CTNNA3: variants seen among roughly 807,000 people sequenced by gnomAD.
CTNNA3 encodes catenin alpha 3.
A neutral mutation model predicts 95.7 loss-of-function variants in CTNNA3; 76 were observed. The observed-to-expected ratio is 0.79, with a 90% CI of 0.66 to 0.96. CTNNA3 has a LOEUF of 0.96. Ranked by LOEUF, CTNNA3 falls within the 40% of genes least tolerant of loss-of-function variation. CTNNA3 has a pLI of 0.00. For synonymous variants in CTNNA3, 431 were observed against 374.4 expected (o/e 1.15, Z -1.74); for missense variants, 1,191 against 1,089.8 (o/e 1.09, Z -1.31).
chr10:66,397,854 C>T (rs537886371), intron 11 of CTNNA3, among the ~76,000 whole-genome samples: 30 of 151,808 alleles, frequency 2.0e-4, no homozygotes, highest in African/African-American at 7.0e-4. Context: ...ATATCTTGGT[C>T]TTTATGAAAA....
intron 13 of CTNNA3, among the ~76,000 whole-genome samples, chr10:66,129,154 C>T (rs1407950232): frequency 2.0e-5 from 3 of 152,166 alleles, no homozygotes; most frequent in Non-Finnish European, 2.9e-5. Flanking sequence ...ATCCCAGCTA[C>T]TCGGGAGGCT....
chr10:66,909,664 A>T (rs1460890996), intron 7 of CTNNA3, among the ~76,000 whole-genome samples: 1 of 152,236 alleles, frequency 6.6e-6, no homozygotes, highest in African/African-American at 2.4e-5. Flanking sequence ...TTAGTCAAAT[A>T]GAGACCAAAT....
At chr10:66,015,834 CAT>C (rs369546258) in intron 15 of CTNNA3, among the ~76,000 whole-genome samples, 1 of 152,152 alleles carries the variant, frequency 6.6e-6, no homozygotes, top group East Asian at 1.9e-4. Context: ...TGTATCTTTT[CAT>C]ATATATGTAC....
intron 15 of CTNNA3, among the ~76,000 whole-genome samples, chr10:66,023,210 T>A (rs1007789097): frequency 6.6e-6 from 1 of 152,164 alleles, no homozygotes; most frequent in African/African-American, 2.4e-5. Flanking sequence ...ACTAACCCAG[T>A]CAAAGAATTA....
intron 12 of CTNNA3, among the ~76,000 whole-genome samples, chr10:66,293,243 G>T (rs1362501868): frequency 1.3e-5 from 2 of 152,040 alleles, no homozygotes; most frequent in African/African-American, 4.8e-5. Flanking sequence ...TGAAAATGTA[G>T]ATTTTAATTA....
chr10:66,570,763 T>A (rs1402203644), intron 10 of CTNNA3, among the ~76,000 whole-genome samples: 1 of 151,832 alleles, frequency 6.6e-6, no homozygotes, highest in Non-Finnish European at 1.5e-5. Context: ...CTAATGGAAA[T>A]GTTTTTTAAA....
intron 1 of CTNNA3, among the ~76,000 whole-genome samples, chr10:67,760,776 T>C (rs1445521616): frequency 1.3e-5 from 2 of 152,142 alleles, no homozygotes; most frequent in East Asian, 1.9e-4. Flanking sequence ...CCTACTGTGA[T>C]GTAGGTTGTG....
chr10:66,690,956 C>T (rs1847505453), intron 9 of CTNNA3, among the ~76,000 whole-genome samples: 2 of 152,178 alleles, frequency 1.3e-5, no homozygotes, highest in South Asian at 4.1e-4. Flanking sequence ...AAAAGTGTTC[C>T]TATTTCTCCA....
intron 5 of CTNNA3, among the ~76,000 whole-genome samples, chr10:67,456,261 A>G (rs1279863542): frequency 6.6e-6 from 1 of 152,200 alleles, no homozygotes; most frequent in Non-Finnish European, 1.5e-5. Context: ...AATTCTTACC[A>G]TGGGAACAAT....
intron 7 of CTNNA3, among the ~76,000 whole-genome samples, chr10:67,131,761 G>A (rs183527966): frequency 6.6e-6 from 1 of 152,058 alleles, no homozygotes; most frequent in Non-Finnish European, 1.5e-5. Flanking sequence ...GTGGCTTGTA[G>A]ACATGCAACA....
intron 5 of CTNNA3, among the ~76,000 whole-genome samples, chr10:67,390,654 C>G (rs1375071827): frequency 4.7e-5 from 7 of 149,836 alleles, no homozygotes; most frequent in African/African-American, 1.7e-4. Flanking sequence ...CAAAAATCCT[C>G]AATAAAATAC....
chr10:67,033,094 C>T (rs943433782), intron 7 of CTNNA3, among the ~76,000 whole-genome samples: 1 of 152,106 alleles, frequency 6.6e-6, no homozygotes, highest in Non-Finnish European at 1.5e-5. Flanking sequence ...ACTCGAAATT[C>T]TTAAAAGAAC....
chr10:67,479,799 G>A (rs1033550683), intron 5 of CTNNA3, among the ~76,000 whole-genome samples: 2 of 152,046 alleles, frequency 1.3e-5, no homozygotes, highest in Non-Finnish European at 1.5e-5. Context: ...GAAACCAAAA[G>A]TTGGTTTTTT....
chr10:66,068,865 T>G (rs2080369448), intron 15 of CTNNA3, among the ~76,000 whole-genome samples: 1 of 152,196 alleles, frequency 6.6e-6, no homozygotes, highest in Admixed American at 6.5e-5. Context: ...GTGATTATAA[T>G]TTCAAATATA....
At chr10:67,085,281 T>C (rs1031583280) in intron 7 of CTNNA3, among the ~76,000 whole-genome samples, 3 of 151,788 alleles carry the variant, frequency 2.0e-5, no homozygotes, top group African/African-American at 7.2e-5. Flanking sequence ...TAATCAAAAA[T>C]ATGACTAGTC....
chr10:67,348,838 T>TA (rs759072722), intron 5 of CTNNA3, among the ~76,000 whole-genome samples: 3 of 152,104 alleles, frequency 2.0e-5, no homozygotes, highest in Non-Finnish European at 4.4e-5. Context: ...GATAAGGAGA[T>TA]AATTCCTAAA....
Position 66,256,063 on chromosome 10 carries a change from A to G in CTNNA3, c.1884+24407T>C, listed in dbSNP as rs2090759202. On this transcript the variant is annotated intron_variant, in intron 13 of 17. Transcript: ENST00000433211. ...AGAACCCAACTGGCAACACCAGGCC[A>G]CCAATGTTGGCCCAGACAGAGGCAG... 2.6e-5 allele frequency among the ~76,000 whole-genome samples: 4 copies of G among 152,186 alleles called. No homozygotes were observed. In the South Asian group the frequency reaches 8.3e-4, roughly 32 times the overall value.
At chr10:67,684,583 C>T (rs1343840273) in intron 1 of CTNNA3, among the ~76,000 whole-genome samples, 1 of 152,162 alleles carries the variant, frequency 6.6e-6, no homozygotes, top group African/African-American at 2.4e-5. Flanking sequence ...TAGCTACTTC[C>T]TGCTGGATAG....
chr10:66,991,292 T>C (rs1318350802), intron 7 of CTNNA3, among the ~76,000 whole-genome samples: 3 of 152,190 alleles, frequency 2.0e-5, no homozygotes, highest in Non-Finnish European at 4.4e-5. Flanking sequence ...TCAAGACATA[T>C]ATTTCTAAGT....
Sources: allele counts gnomAD v4.1 joint callset (sites outside exome capture counted in the v4.1 genomes callset), GRCh38; gene constraint gnomAD v4.1.1; transcripts MANE v1.5; gene names NCBI Gene and HGNC (gene_info 2026-07-23, HGNC 2026-07-21).